CCDC171: variants seen among roughly 807,000 people sequenced by gnomAD.
CCDC171 encodes the protein coiled-coil domain-containing protein 171.
In CCDC171, 177 loss-of-function variants were observed where a neutral mutation model predicts 168.2. The ratio of observed to expected loss-of-function variants is 1.05; its 90% CI spans 0.93 to 1.19. The LOEUF (loss-of-function observed/expected upper bound fraction) is 1.19. Among genes scored for constraint, CCDC171 ranks in the 50% most tolerant of loss-of-function variants. The pLI, the probability that CCDC171 is intolerant of heterozygous loss-of-function variation, is 0.00. For missense variants in CCDC171, 1,991 were observed against 1,539.0 expected (o/e 1.29, Z -4.91); for synonymous variants, 687 against 540.8 (o/e 1.27, Z -3.75).
intron 23 of CCDC171, among the ~76,000 whole-genome samples, chr9:15,863,366 T>C (rs1028376167): frequency 1.2e-4 from 18 of 152,030 alleles, no homozygotes; most frequent in East Asian, 7.7e-4. Context: ...ATAAAGGGAA[T>C]TGATATGTGC....
chr9:15,836,876 G>A (rs977096566), intron 21 of CCDC171, among the ~76,000 whole-genome samples: 5 of 152,190 alleles, frequency 3.3e-5, no homozygotes, highest in Non-Finnish European at 7.3e-5. Context: ...CCCTCTTGGA[G>A]AAGGAACAAA....
Position 15,784,532 on chromosome 9 carries a change from T to C in CCDC171, c.3105T>C (p.Phe1035=). The change falls in exon 21 of 26, where the codon TTT becomes TTC. Residue 1035 remains phenylalanine, a synonymous_variant. Transcript: ENST00000380701. The part of the protein sequence containing the change: ...KQSKLITHEK[F]ESACEELNNA... ...AGAAATTGATCACCCATGAGAAGTT[T>C]GAAAGTGCATGTGAAGAACTAAATA... 1 of 1,612,968 alleles carries C rather than the reference T, an allele frequency of 6.2e-7. No homozygotes were observed. Among genetic ancestry groups the C allele is most frequent in the Non-Finnish European group, 8.5e-7 (1 of 1,179,334 alleles).
In CCDC171 at chr9:15,818,132, T is replaced by G. The variant is rs2136056230; in HGVS notation, c.3268-28570T>G. Among the ~76,000 whole-genome samples, 2 of 117,518 alleles carry G rather than the reference T, an allele frequency of 1.7e-5. 1 individual carries two copies. The highest frequency in any genetic ancestry group is 1.6e-4 in the Admixed American group (2 of 12,528). 77.1% of individuals were successfully genotyped at this position (117,518 alleles called of 152,430 possible). Reference sequence around the variant, plus strand: ...ACCCCAACAGACCTGCAGCTGAGGATCCTGACTGTTAGAAGGAAAACTAAC... The same window carrying G: ...ACCCCAACAGACCTGCAGCTGAGGAGCCTGACTGTTAGAAGGAAAACTAAC... On this transcript the variant is annotated intron_variant, in intron 21 of 25. Coordinates refer to ENST00000380701, the MANE Select transcript of CCDC171 (RefSeq NM_173550.4).
intron 6 of CCDC171, among the ~76,000 whole-genome samples, chr9:16,033,486 T>A (rs1157375046): frequency 2.0e-5 from 3 of 152,212 alleles, no homozygotes; most frequent in African/African-American, 7.2e-5. Flanking sequence ...TGCGAGAATC[T>A]AATGCTTGAT....
At chr9:15,707,515 C>A (rs1397425865) in intron 11 of CCDC171, among the ~76,000 whole-genome samples, 1 of 152,146 alleles carries the variant, frequency 6.6e-6, no homozygotes, top group African/African-American at 2.4e-5. Flanking sequence ...TACTCATTTC[C>A]AACCATCTTT....
chr9:15,558,653 G>T (rs201092357), intron 1 of CCDC171, among the ~76,000 whole-genome samples: 3 of 151,828 alleles, frequency 2.0e-5, no homozygotes, highest in East Asian at 3.8e-4. Flanking sequence ...TAGTGGTCTA[G>T]CAATTTTGTT....
chr9:15,643,814 AATC>A (rs2046825419), intron 7 of CCDC171, among the ~76,000 whole-genome samples: 1 of 152,202 alleles, frequency 6.6e-6, no homozygotes, highest in Non-Finnish European at 1.5e-5. Flanking sequence ...TTATCAATGA[AATC>A]ATACAGCATG....
At chr9:15,696,617 T>C (rs2051238747) in intron 11 of CCDC171, among the ~76,000 whole-genome samples, 1 of 152,198 alleles carries the variant, frequency 6.6e-6, no homozygotes. Flanking sequence ...TGTTAGGATC[T>C]TTAAAAATTG....
chr9:15,574,945 A>G (rs1247678672), intron 3 of CCDC171, among the ~76,000 whole-genome samples: 2 of 152,190 alleles, frequency 1.3e-5, no homozygotes, highest in Non-Finnish European at 2.9e-5. Flanking sequence ...CATACGTTCC[A>G]GATGAGACTG....
At chr9:15,556,239 T>C (rs1237412999) in intron 1 of CCDC171, among the ~76,000 whole-genome samples, 1 of 151,964 alleles carries the variant, frequency 6.6e-6, no homozygotes, top group Non-Finnish European at 1.5e-5. Context: ...TAACCTGACC[T>C]TTCTCTCTGG....
At chr9:15,826,383 A>G (rs1304029519) in intron 21 of CCDC171, among the ~76,000 whole-genome samples, 1 of 152,084 alleles carries the variant, frequency 6.6e-6, no homozygotes, top group South Asian at 2.1e-4. Context: ...GGCCACAGCA[A>G]TATTTCTGAT....
At chr9:15,606,493 T>A (rs2043236423) in intron 6 of CCDC171, among the ~76,000 whole-genome samples, 1 of 152,186 alleles carries the variant, frequency 6.6e-6, no homozygotes, top group Non-Finnish European at 1.5e-5. Context: ...CTTGGGGACT[T>A]AGAGAGGAGG....
intron 7 of CCDC171, among the ~76,000 whole-genome samples, chr9:15,642,770 C>T (rs1225671678): frequency 6.6e-6 from 1 of 152,036 alleles, no homozygotes; most frequent in Non-Finnish European, 1.5e-5. Flanking sequence ...AAAATAAAGA[C>T]ATGATCTCCA....
chr9:15,627,222 T>G (rs2045220285), intron 7 of CCDC171, among the ~76,000 whole-genome samples: 1 of 152,166 alleles, frequency 6.6e-6, no homozygotes, highest in Non-Finnish European at 1.5e-5. Context: ...TCTTTATTAG[T>G]CTTGCTAGCT....
chr9:15,852,466 T>A (rs1217618925), intron 23 of CCDC171, among the ~76,000 whole-genome samples: 1 of 151,752 alleles, frequency 6.6e-6, no homozygotes, highest in African/African-American at 2.4e-5. Context: ...GTTCTTTGCA[T>A]ATTCTGGATA....
chr9:16,088,925 G>A, the CCDC171 span, among the ~76,000 whole-genome samples: 465 of 152,114 alleles, frequency 3.1e-3, 4 homozygotes, highest in African/African-American at 0.011. Flanking sequence ...CAAAAAGAAC[G>A]AAGCTGGAGG....
At chr9:15,899,490 A>G (rs1324001708) in intron 24 of CCDC171, among the ~76,000 whole-genome samples, 1 of 152,184 alleles carries the variant, frequency 6.6e-6, no homozygotes, top group East Asian at 1.9e-4. Flanking sequence ...CTTCCTCGCC[A>G]GCACTTGGTG....
At chr9:15,992,828 T>G (rs953074969) in intron 3 of CCDC171, among the ~76,000 whole-genome samples, 2 of 152,092 alleles carry the variant, frequency 1.3e-5, no homozygotes, top group African/African-American at 4.8e-5. Context: ...AAATCATGAG[T>G]GAACTCCCAT....
At chr9:15,919,385 A>T (rs531769163) in intron 24 of CCDC171, among the ~76,000 whole-genome samples, 1 of 151,762 alleles carries the variant, frequency 6.6e-6, no homozygotes, top group South Asian at 2.1e-4. Flanking sequence ...TTACAACCTT[A>T]AGATAGAATG....
Sources: allele counts gnomAD v4.1 joint callset (sites outside exome capture counted in the v4.1 genomes callset), GRCh38; gene constraint gnomAD v4.1.1; transcripts MANE v1.5; gene names NCBI Gene and HGNC (gene_info 2026-07-23, HGNC 2026-07-21).